Variants in TBL1XR1 observed in about 807,000 individuals in gnomAD.
The protein encoded by TBL1XR1 is TBL1X/Y related 1.
TBL1XR1 carries 5 observed loss-of-function variants against 66.9 expected under a neutral mutation model. The observed-to-expected ratio is 0.07, with a 90% CI of 0.04 to 0.16. TBL1XR1 has a LOEUF of 0.16. TBL1XR1 is among the 10% of genes least tolerant of loss of function. TBL1XR1 has a pLI of 1.00. For missense variants in TBL1XR1, 238 were observed against 623.2 expected, an observed-to-expected ratio of 0.38 and a Z score of 6.58; for synonymous variants, 210 against 206.0, an observed-to-expected ratio of 1.02 and a Z score of -0.17.
intron 2 of TBL1XR1, among the ~76,000 whole-genome samples, chr3:177,076,290 T>C (rs1720691527): frequency 6.6e-6 from 1 of 152,218 alleles, no homozygotes; most frequent in Non-Finnish European, 1.5e-5. Context: ...AGGGACAAAT[T>C]CGGACCATAG....
intron 1 of TBL1XR1, among the ~76,000 whole-genome samples, chr3:177,099,200 C>G (rs1215120601): frequency 6.6e-6 from 1 of 152,126 alleles, no homozygotes; most frequent in Non-Finnish European, 1.5e-5. Flanking sequence ...CACCCTGTCT[C>G]TACTAAAAAT....
intron 10 of TBL1XR1, chr3:177,041,316 G>C (rs965323923): frequency 6.6e-6 from 1 of 152,244 alleles, no homozygotes; most frequent in African/African-American, 2.4e-5. Context: ...AGGGAGGAGA[G>C]ATCTAAAGAC....
At position 177,025,531 on chromosome 3, in the gene TBL1XR1, G is replaced by T; in HGVS notation, c.1519-7C>A. Reference sequence around the variant, plus strand: ...GAAGGTCTAATACACAAACCTGTAAGAAATTAAAATAATCAACCAGTGTAT... The same window carrying T: ...GAAGGTCTAATACACAAACCTGTAATAAATTAAAATAATCAACCAGTGTAT... On this transcript the variant is annotated splice_region_variant and splice_polypyrimidine_tract_variant and intron_variant, in intron 15 of 15. Coordinates refer to ENST00000457928, the MANE Select transcript of TBL1XR1 (RefSeq NM_024665.7). The T allele has an allele frequency of 6.2e-7, 1 of 1,612,196 alleles. No individual in the cohort carries two copies. Among genetic ancestry groups the T allele is most frequent in the Non-Finnish European group, 8.5e-7 (1 of 1,179,068 alleles).
chr3:177,027,943 A>C (rs1713390993), intron 14 of TBL1XR1: 1 of 152,226 alleles, frequency 6.6e-6, no homozygotes, highest in African/African-American at 2.4e-5. Flanking sequence ...TAAAATCTAC[A>C]GTCAACCTAC....
chr3:177,046,528 A>T (rs1470171324), intron 9 of TBL1XR1, among the ~76,000 whole-genome samples: 1 of 152,192 alleles, frequency 6.6e-6, no homozygotes, highest in Non-Finnish European at 1.5e-5. Context: ...GTAAGAGAGA[A>T]GTTCTTGGTT....
At chr3:177,034,950 A>T (rs1714558774) in intron 12 of TBL1XR1, among the ~76,000 whole-genome samples, 1 of 152,024 alleles carries the variant, frequency 6.6e-6, no homozygotes, top group African/African-American at 2.4e-5. Flanking sequence ...TGGGAAAAAA[A>T]AAATCACTCA....
At chr3:177,112,576 C>A (rs139068379) in intron 1 of TBL1XR1, among the ~76,000 whole-genome samples, 1 of 152,132 alleles carries the variant, frequency 6.6e-6, no homozygotes, top group Non-Finnish European at 1.5e-5. Context: ...ATTGCTGGCA[C>A]ACTCAGTATC....
intron 14 of TBL1XR1, 183 bp from the exon 15 acceptor site, chr3:177,026,657 C>A: frequency 1.9e-6 from 1 of 515,868 alleles, no homozygotes. Flanking sequence ...AAGATAATAC[C>A]AGCCTGTTCT....
rs373858995 is a variant in TBL1XR1 at position 177,120,216 on chromosome 3, T to C, written c.-121-21675A>G. ...CTTTAATTCGGCATTCCTGTTCTAA[T>C]GGCTTTCCCTTTTCCTCTTCTCCTA... On this transcript the variant is annotated intron_variant, in intron 1 of 15. Transcript: ENST00000457928. Among the ~76,000 whole-genome samples, 4 of 152,134 alleles carry C rather than the reference T, an allele frequency of 2.6e-5. No homozygotes were observed. In the South Asian group the frequency reaches 6.2e-4, roughly 24 times the overall value.
At chr3:177,151,624 C>T (rs562718262) in intron 1 of TBL1XR1, among the ~76,000 whole-genome samples, 8 of 152,294 alleles carry the variant, frequency 5.3e-5, no homozygotes, top group African/African-American at 1.7e-4. Context: ...CTGGTTTACA[C>T]AATAAAATGA....
intron 1 of TBL1XR1, among the ~76,000 whole-genome samples, chr3:177,194,929 T>G (rs1456983347): frequency 6.6e-6 from 1 of 151,186 alleles, no homozygotes; most frequent in Non-Finnish European, 1.5e-5. Context: ...TCTCCCACAT[T>G]AATACCCAAA....
At chr3:177,065,760 T>G (rs1719074516) in intron 2 of TBL1XR1, among the ~76,000 whole-genome samples, 1 of 152,222 alleles carries the variant, frequency 6.6e-6, no homozygotes, top group African/African-American at 2.4e-5. Flanking sequence ...CAATAAATAT[T>G]TCAGGCTTTA....
At chr3:177,112,107 A>ATATATATATT in intron 1 of TBL1XR1, among the ~76,000 whole-genome samples, 12 of 37,654 alleles carry the variant, frequency 3.2e-4, no homozygotes, top group South Asian at 1.1e-3. Context: ...ATATATATAT[A>ATATATATATT]TTTTTTTTTT....
At chr3:177,181,625 A>G (rs541524670) in intron 1 of TBL1XR1, among the ~76,000 whole-genome samples, 3 of 152,218 alleles carry the variant, frequency 2.0e-5, no homozygotes, top group South Asian at 4.1e-4. Context: ...AATCTGGGCC[A>G]CAGAATCACT....
At position 177,115,403 on chromosome 3, in the gene TBL1XR1, C is replaced by T. The variant is rs548145076; in HGVS notation, c.-121-16862G>A. Among the ~76,000 whole-genome samples the T allele has an allele frequency of 5.3e-5, 8 of 152,064 alleles. No homozygotes were observed. In the East Asian group the frequency reaches 1.5e-3, roughly 29 times the overall value. On this transcript the variant is annotated intron_variant, in intron 1 of 15. Transcript: ENST00000457928. ...CATTTTTCTCCTTTTGGAAGTTTAC[C>T]AAAAAGTCTTGGAAGGCACAAAAAC...
intron 2 of TBL1XR1, among the ~76,000 whole-genome samples, chr3:177,084,501 T>C (rs936485205): frequency 1.3e-5 from 2 of 152,248 alleles, no homozygotes; most frequent in Non-Finnish European, 2.9e-5. Flanking sequence ...GGTTCCTTCC[T>C]ATTGCTTAGG....
Position 177,024,652 on chromosome 3 carries a change from C to A in TBL1XR1, c.*846G>T, listed in dbSNP as rs1712828471. On this transcript the variant is annotated 3_prime_UTR_variant, in exon 16 of 16. Transcript: ENST00000457928. ...TTGTGCCCTTCTAGTCTTTAATTGG[C>A]AGAAATATGTCCCAAAAAAGAAACT... The A allele has an allele frequency of 8.1e-6, 1 of 123,438 alleles. No individual in the cohort carries two copies. The highest frequency in any genetic ancestry group is 3.1e-5 in the African/African-American group (1 of 32,360). 7.6% of individuals were successfully genotyped at this position (123,438 alleles called of 1,614,324 possible).
At position 177,112,090 on chromosome 3, in the gene TBL1XR1, TATATATATATA is replaced by T. The variant is rs1560188428; in HGVS notation, c.-121-13560_-121-13550del. Among the ~76,000 whole-genome samples the T allele has an allele frequency of 4.2e-4, 22 of 52,384 alleles. 1 individual carries two copies. Among genetic ancestry groups the T allele is most frequent in the East Asian group, 2.3e-3 (3 of 1,308 alleles). 34.4% of individuals were successfully genotyped at this position (52,384 alleles called of 152,430 possible). ...ATAAAATCAAATATATATATATATA[TATATATATATA>T]TATATATTTTTTTTTTTTTTTTTTG... On this transcript the variant is annotated intron_variant, in intron 1 of 15. Coordinates refer to ENST00000457928, the MANE Select transcript of TBL1XR1 (RefSeq NM_024665.7).
upstream of TBL1XR1, among the ~76,000 whole-genome samples, chr3:177,197,711 G>GT (rs1277884237): frequency 6.9e-6 from 1 of 145,168 alleles, no homozygotes; most frequent in Non-Finnish European, 1.5e-5. Context: ...GCGGCGCGGC[G>GT]GGGGGGCTCC....
Sources: allele counts gnomAD v4.1 joint callset (sites outside exome capture counted in the v4.1 genomes callset), GRCh38; gene constraint gnomAD v4.1.1; transcripts MANE v1.5; gene names NCBI Gene and HGNC (gene_info 2026-07-23, HGNC 2026-07-21).